The following RNF187 variants were observed in gnomAD, a reference collection of about 807,000 sequenced individuals.
RNF187 encodes the protein E3 ubiquitin-protein ligase RNF187.
Under a neutral mutation model 22.2 loss-of-function variants are expected in RNF187, and 18 were observed. That is an observed-to-expected ratio of 0.81 (90% confidence interval 0.56 to 1.20). The LOEUF (loss-of-function observed/expected upper bound fraction) is 1.20. Among genes scored for constraint, RNF187 ranks in the 50% most tolerant of loss-of-function variants. The probability of loss-of-function intolerance (pLI) is 0.00; values close to 1 mark genes in which losing one functional copy is unlikely to be tolerated. For synonymous variants in RNF187, 164 were observed against 140.9 expected (o/e 1.16, Z -1.16); for missense variants, 329 against 317.6 (o/e 1.04, Z -0.27).
chr1:228,487,632 G>A lies in RNF187; in HGVS notation c.144G>A (p.Pro48=), dbSNP rs1571797341. ...GGGCCGAGGAGGACGGGCCCTTCCC[G>A]TGCCCCGAGTGCGCCGACGACTGCT... is the stretch of plus-strand genomic sequence containing the variant. The change falls in exon 1 of 4, where the codon CCG becomes CCA. Residue 48 remains proline (P), a synonymous_variant. Coordinates refer to ENST00000305943, the MANE Select transcript of RNF187 (RefSeq NM_001010858.3). 1 of 1,201,564 alleles carries A rather than the reference G, an allele frequency of 8.3e-7. No homozygotes were observed. The highest frequency in any genetic ancestry group is 2.3e-5 in the South Asian group (1 of 43,584). The allele number at this position is 1,201,564 out of a possible 1,614,324, so 74.4% of individuals were successfully genotyped here. A position where few individuals can be genotyped will look rare whatever the true frequency, so the allele number is the denominator to read the frequency against.
intron 1 of RNF187, 30 bp from the exon 2 acceptor site, chr1:228,488,930 C>G: frequency 6.5e-7 from 1 of 1,526,918 alleles, no homozygotes; most frequent in Non-Finnish European, 8.9e-7. Flanking sequence ...GAGCTTCTGC[C>G]CACCCCTGGT....
At position 228,495,780 on chromosome 1, in the gene RNF187, T is replaced by C; in HGVS notation, c.*1895T>C. 16 of 969,684 alleles carry C rather than the reference T, an allele frequency of 1.7e-5. No homozygotes were observed. Among genetic ancestry groups the C allele is most frequent in the African/African-American group, 8.8e-5 (5 of 56,898 alleles). The allele number at this position is 969,684 out of a possible 1,614,324, so 60.1% of individuals were successfully genotyped here. The stretch of plus-strand genomic sequence containing the variant: ...TGGGGCACAGTGTGATGTTTTGATA[T>C]CTATGTACATTGTGGAGTGACAGAT... On this transcript the variant is annotated 3_prime_UTR_variant, in exon 4 of 4. Coordinates refer to ENST00000305943, the MANE Select transcript of RNF187 (RefSeq NM_001010858.3).
chr1:228,488,520 C>G, intron 1 of RNF187: 1 of 159,214 alleles, frequency 6.3e-6, no homozygotes, highest in Non-Finnish European at 1.4e-5. Context: ...AGACAACAGC[C>G]AGCCTGGGGT....
intron 1 of RNF187, 105 bp from the exon 2 acceptor site, chr1:228,488,855 T>C: frequency 1.2e-6 from 1 of 869,564 alleles, no homozygotes; most frequent in Non-Finnish European, 1.8e-6. Context: ...ATCTCTGGGA[T>C]GGTCAGACTG....
chr1:228,493,095 A>G lies in RNF187; in HGVS notation c.526A>G (p.Lys176Glu), dbSNP rs1283407578. Residue 176 changes from lysine (K) to glutamate (E), a missense_variant, in exon 3 of 4, where the codon AAG (lysine) becomes GAG (glutamate). Lys to Glu is a moderately conservative substitution (Grantham distance 56). Coordinates refer to ENST00000305943, the MANE Select transcript of RNF187 (RefSeq NM_001010858.3). This position sits in a 1 kb window ranked among gnomAD's most constrained non-coding sequence, Gnocchi z 4.7. Reference sequence around the variant, plus strand: ...TAGGAAGAAGGCACTGACCGACTACAAGAAGCTGCGGGCCTTCTTTGTGGA... The same window carrying G: ...TAGGAAGAAGGCACTGACCGACTACGAGAAGCTGCGGGCCTTCTTTGTGGA... 11 of 1,551,458 alleles carry G rather than the reference A, an allele frequency of 7.1e-6. No individual in the cohort carries two copies. The highest frequency in any genetic ancestry group is 1.2e-5 in the South Asian group (1 of 84,062).
chr1:228,496,017 A>G lies in RNF187; in HGVS notation c.*2132A>G. 6.6e-6 allele frequency among the ~76,000 whole-genome samples: 1 copy of G among 152,216 alleles called. No homozygotes were observed. The highest frequency in any genetic ancestry group is 1.5e-5 in the Non-Finnish European group (1 of 68,038). On this transcript the variant is annotated 3_prime_UTR_variant, in exon 4 of 4. Coordinates refer to ENST00000305943, the MANE Select transcript of RNF187 (RefSeq NM_001010858.3). ...CAGATACAGAGGGCCAACTGCGTAC[A>G]GTACACGGTTATCAGCTGAAGTCAC...
chr1:228,489,568 A>G, intron 2 of RNF187, among the ~76,000 whole-genome samples: 1 of 151,386 alleles, frequency 6.6e-6, no homozygotes, highest in African/African-American at 2.4e-5. Context: ...CCAAAGTGCT[A>G]TTTTTTTTTT....
chr1:228,494,989 G>C lies in RNF187; in HGVS notation c.*1104G>C. 1 of 985,558 alleles carries C rather than the reference G, an allele frequency of 1.0e-6. No individual in the cohort carries two copies. 61.1% of individuals were successfully genotyped at this position (985,558 alleles called of 1,614,324 possible). On this transcript the variant is annotated 3_prime_UTR_variant, in exon 4 of 4. Transcript: ENST00000305943. ...GTGTCAGCTCGTTTGCTTCGTCTCC[G>C]TGTGTCCACCTGGCCTCTTCCCCCT...
Position 228,487,860 on chromosome 1 carries a change from GA to G in RNF187, c.374del (p.Lys125ArgfsTer15). The stretch of plus-strand genomic sequence containing the variant: ...CGCCCGAGTGGGAACCGCGCTGGAG[GA>G]AGGCGCTGCGCGGCAAGGTGCGCGC... On this transcript the variant is annotated frameshift_variant, in exon 1 of 4. Transcript: ENST00000305943. LOFTEE classifies it high-confidence loss of function. 1.6e-6 allele frequency: 2 copies of G among 1,230,146 alleles called. No homozygotes were observed. Among genetic ancestry groups the G allele is most frequent in the Non-Finnish European group, 2.0e-6 (2 of 981,090 alleles). 76.2% of individuals were successfully genotyped at this position (1,230,146 alleles called of 1,614,324 possible).
chr1:228,487,867 C>G lies in RNF187; in HGVS notation c.379C>G (p.Leu127Val). 1.6e-6 allele frequency: 2 copies of G among 1,226,190 alleles called. No individual in the cohort carries two copies. Among genetic ancestry groups the G allele is most frequent in the South Asian group, 5.2e-5 (2 of 38,142 alleles). The allele number at this position is 1,226,190 out of a possible 1,614,324, so 76.0% of individuals were successfully genotyped here. ...GTGGGAACCGCGCTGGAGGAAGGCG[C>G]TGCGCGGCAAGGTGCGCGCCGCGGG... The change falls in exon 1 of 4, where the codon CTG (leucine) becomes GTG (valine). Residue 127 changes from leucine (L) to valine (V), a missense_variant. Coordinates refer to ENST00000305943, the MANE Select transcript of RNF187 (RefSeq NM_001010858.3).
chr1:228,487,611 C>G lies in RNF187; in HGVS notation c.123C>G (p.Ala41=), dbSNP rs1213181739. Residue 41 remains alanine (A), a synonymous_variant, in exon 1 of 4, where the codon GCC becomes GCG. Coordinates refer to ENST00000305943, the MANE Select transcript of RNF187 (RefSeq NM_001010858.3). ...GGGCGTGCGTGGTGCGCTTCTGGGC[C>G]GAGGAGGACGGGCCCTTCCCGTGCC... 1.6e-6 allele frequency: 2 copies of G among 1,259,212 alleles called. No homozygotes were observed. Among genetic ancestry groups the G allele is most frequent in the Non-Finnish European group, 1.0e-6 (1 of 987,834 alleles). 78.0% of individuals were successfully genotyped at this position (1,259,212 alleles called of 1,614,324 possible).
chr1:228,489,953 A>G, intron 2 of RNF187, among the ~76,000 whole-genome samples: 2 of 152,196 alleles, frequency 1.3e-5, no homozygotes, highest in Admixed American at 1.3e-4. Flanking sequence ...TGCCTTCCAC[A>G]GTATTATATC....
chr1:228,495,434 C>G lies in RNF187; in HGVS notation c.*1549C>G. On this transcript the variant is annotated 3_prime_UTR_variant, in exon 4 of 4. Transcript: ENST00000305943. ...GCAAAGAGGGCCCTAGGAGAAGATT[C>G]CAGAGCCTGGCCAGAGTTTGGCCAA... 1 of 978,686 alleles carries G rather than the reference C, an allele frequency of 1.0e-6. No individual in the cohort carries two copies. Among genetic ancestry groups the G allele is most frequent in the Non-Finnish European group, 1.2e-6 (1 of 823,842 alleles). 60.6% of individuals were successfully genotyped at this position (978,686 alleles called of 1,614,324 possible). A position where few individuals can be genotyped will look rare whatever the true frequency, so the allele number is the denominator to read the frequency against.
Position 228,487,635 on chromosome 1 carries a change from C to A in RNF187, c.147C>A (p.Cys49Ter). 8.3e-7 allele frequency: 1 copy of A among 1,201,026 alleles called. No homozygotes were observed. Among genetic ancestry groups the A allele is most frequent in the Non-Finnish European group, 1.0e-6 (1 of 955,104 alleles). The allele number at this position is 1,201,026 out of a possible 1,614,324, so 74.4% of individuals were successfully genotyped here. ...CCGAGGAGGACGGGCCCTTCCCGTG[C>A]CCCGAGTGCGCCGACGACTGCTGGC... is the stretch of plus-strand genomic sequence containing the variant. Residue 49 changes from cysteine to a stop codon, truncating the protein, a stop_gained, in exon 1 of 4, where the codon TGC (cysteine) becomes TGA (stop). Transcript: ENST00000305943. LOFTEE classifies it high-confidence loss of function.
In RNF187 at chr1:228,487,728, G is replaced by C; in HGVS notation, c.240G>C (p.Ala80=). 1 of 1,031,058 alleles carries C rather than the reference G, an allele frequency of 9.7e-7. No individual in the cohort carries two copies. The highest frequency in any genetic ancestry group is 1.2e-6 in the Non-Finnish European group (1 of 861,744). The allele number at this position is 1,031,058 out of a possible 1,614,324, so 63.9% of individuals were successfully genotyped here. A position where few individuals can be genotyped will look rare whatever the true frequency, so the allele number is the denominator to read the frequency against. ...TTCTGGCGCTCGAGGAGGCGGCCGC[G>C]GCGCCCGCGCGCGACGGCCCGGCCA... The change falls in exon 1 of 4, where the codon GCG becomes GCC. Residue 80 remains alanine (A), a synonymous_variant. Coordinates refer to ENST00000305943, the MANE Select transcript of RNF187 (RefSeq NM_001010858.3).
chr1:228,489,084 G>C, intron 2 of RNF187, 32 bp downstream of exon 2: 1 of 1,516,782 alleles, frequency 6.6e-7, no homozygotes, highest in Non-Finnish European at 8.9e-7. Flanking sequence ...AGCCTGGAAT[G>C]AGGGGACTGT....
In RNF187 at chr1:228,493,875, C is replaced by A; in HGVS notation, c.706-8C>A. On this transcript the variant is annotated splice_polypyrimidine_tract_variant and splice_region_variant and intron_variant, in intron 3 of 3. Transcript: ENST00000305943. The surrounding 1 kb of genome is among the most constrained non-coding windows in gnomAD (Gnocchi z 4.7). Reference sequence around the variant, plus strand: ...TCTCTCTGTCTTTCCCTCTCCCCTCCCATGCAGTGATGGCGCCAACCCGTG... The same window carrying A: ...TCTCTCTGTCTTTCCCTCTCCCCTCACATGCAGTGATGGCGCCAACCCGTG... The A allele has an allele frequency of 4.5e-6, 7 of 1,551,716 alleles. No individual in the cohort carries two copies. The highest frequency in any genetic ancestry group is 6.1e-6 in the Non-Finnish European group (7 of 1,146,954).
chr1:228,490,321 T>G, intron 2 of RNF187, among the ~76,000 whole-genome samples: 1 of 152,218 alleles, frequency 6.6e-6, no homozygotes, highest in East Asian at 1.9e-4. Context: ...CTGATGCCAC[T>G]CAGACCCCTG....
In RNF187 at chr1:228,493,941, C is replaced by G; in HGVS notation, c.*56C>G. ...GAGGCAGGAGGATGGATCCTCATCT[C>G]CATGGGAAGTGTCAGCGTGTGGCTG... On this transcript the variant is annotated 3_prime_UTR_variant, in exon 4 of 4. Transcript: ENST00000305943. The surrounding 1 kb of genome is among the most constrained non-coding windows in gnomAD (Gnocchi z 4.7). 6.4e-7 allele frequency: 1 copy of G among 1,551,730 alleles called. No homozygotes were observed. The highest frequency in any genetic ancestry group is 8.7e-7 in the Non-Finnish European group (1 of 1,146,990).
Sources: allele counts gnomAD v4.1 joint callset (sites outside exome capture counted in the v4.1 genomes callset), GRCh38; gene constraint gnomAD v4.1.1; non-coding constraint Gnocchi (gnomAD v3.1); transcripts MANE v1.5; gene names NCBI Gene and HGNC (gene_info 2026-07-23, HGNC 2026-07-21).